The following PCDHA12 variants were observed in gnomAD, a reference collection of about 807,000 sequenced individuals.
PCDHA12 encodes the protein protocadherin alpha 12.
Under a neutral mutation model 60.0 loss-of-function variants are expected in PCDHA12, and 44 were observed. The ratio of observed to expected loss-of-function variants is 0.73; its 90% confidence interval spans 0.58 to 0.94. The LOEUF (loss-of-function observed/expected upper bound fraction) is 0.94. PCDHA12 is among the 40% of genes least tolerant of loss of function. The probability of loss-of-function intolerance (pLI) is 0.00; values close to 1 mark genes in which losing one functional copy is unlikely to be tolerated. For synonymous variants in PCDHA12, 569 were observed against 553.0 expected, an observed-to-expected ratio of 1.03 and a Z score of -0.40; for missense variants, 1,276 against 1,239.7, an observed-to-expected ratio of 1.03 and a Z score of -0.44.
chr5:140,997,785 A>G (rs537383326), intron 3 of PCDHA12, among the ~76,000 whole-genome samples: 2 of 152,218 alleles, frequency 1.3e-5, no homozygotes, highest in Admixed American at 1.3e-4. Flanking sequence ...GTATACCTAT[A>G]TTATAATTTA....
chr5:140,967,229 C>T, intron 1 of PCDHA12: 2 of 1,613,760 alleles, frequency 1.2e-6, no homozygotes, highest in East Asian at 2.2e-5. Flanking sequence ...CAACTACCAG[C>T]TTCAGGTAAG....
At chr5:140,930,842 T>C (rs183476886) in intron 1 of PCDHA12, among the ~76,000 whole-genome samples, 1 of 152,338 alleles carries the variant, frequency 6.6e-6, no homozygotes, top group Admixed American at 6.5e-5. Flanking sequence ...TGAATAAATA[T>C]GTGCATATAT....
At chr5:140,882,374 C>A in intron 1 of PCDHA12, 1 of 1,614,186 alleles carries the variant, frequency 6.2e-7, no homozygotes, top group East Asian at 2.2e-5. Flanking sequence ...CTACTCCGTC[C>A]CCGAGGAAGC....
intron 1 of PCDHA12, among the ~76,000 whole-genome samples, chr5:140,964,284 A>C (rs190870993): frequency 6.6e-6 from 1 of 152,362 alleles, no homozygotes; most frequent in East Asian, 1.9e-4. Context: ...AGTAAATTCT[A>C]GCTGGAGCTA....
At chr5:141,009,529 T>C in intron 3 of PCDHA12, 98 bp from the exon 4 acceptor site, 2 of 1,505,630 alleles carry the variant, frequency 1.3e-6, no homozygotes, top group Non-Finnish European at 1.8e-6. Context: ...TCTGGGGAGG[T>C]TCAGCCTGCC....
In PCDHA12 at chr5:140,876,444, T is replaced by A. The variant is rs1554168564; in HGVS notation, c.972T>A (p.Asp324Glu). ...NAYEIQVNAIDKGIPSMAGHS... is the reference protein window; with the variant it reads ...NAYEIQVNAIEKGIPSMAGHS... ...ATGAAATTCAGGTTAACGCCATTGA[T>A]AAAGGGATTCCTTCCATGGCAGGTC... Residue 324 changes from aspartate to glutamate, a missense_variant, in exon 1 of 4, where the codon GAT (aspartate) becomes GAA (glutamate). Coordinates refer to ENST00000398631, the MANE Select transcript of PCDHA12 (RefSeq NM_018903.4). 6.2e-7 allele frequency: 1 copy of A among 1,613,996 alleles called. No homozygotes were observed. The highest frequency in any genetic ancestry group is 8.5e-7 in the Non-Finnish European group (1 of 1,179,886).
Position 140,876,688 on chromosome 5 carries a change from T to A in PCDHA12, c.1216T>A (p.Ser406Thr), listed in dbSNP as rs1382110439. 2.5e-6 allele frequency: 4 copies of A among 1,614,172 alleles called. No homozygotes were observed. Among genetic ancestry groups the A allele is most frequent in the Non-Finnish European group, 3.4e-6 (4 of 1,180,038 alleles). ...GGTGTCCACCTACAAGAATTACTAC[T>A]CGTTGGTGCTGGACAGCGCCCTGGA... ...KLVSTYKNYY[S>T]LVLDSALDRE... The change falls in exon 1 of 4, where the codon TCG becomes ACG. Residue 406 changes from serine to threonine, a missense_variant. By Grantham distance (58) the Ser-to-Thr change is moderately conservative. Coordinates refer to ENST00000398631, the MANE Select transcript of PCDHA12 (RefSeq NM_018903.4).
chr5:140,894,987 T>A lies in PCDHA12; in HGVS notation c.2367+17148T>A, dbSNP rs564159529. On this transcript the variant is annotated intron_variant, in intron 1 of 3. Transcript: ENST00000398631. ...TTTTTTAATGTCTTACTTTGTGACA[T>A]CCTTTACCCTTTTTACTTGGACCTT... 3.3e-5 allele frequency among the ~76,000 whole-genome samples: 5 copies of A among 152,318 alleles called. No individual in the cohort carries two copies. In the East Asian group the frequency reaches 9.6e-4, roughly 29 times the overall value.
intron 1 of PCDHA12, among the ~76,000 whole-genome samples, chr5:140,932,168 A>G (rs1279324749): frequency 1.3e-5 from 2 of 151,944 alleles, no homozygotes; most frequent in African/African-American, 4.8e-5. Flanking sequence ...ACAATTAGAC[A>G]ATGTGTACCT....
chr5:140,891,234 G>A (rs1477518444), intron 1 of PCDHA12, among the ~76,000 whole-genome samples: 2 of 151,932 alleles, frequency 1.3e-5, no homozygotes, highest in Non-Finnish European at 2.9e-5. Context: ...ATCCTGTTCT[G>A]GATTCAGTAG....
intron 1 of PCDHA12, chr5:140,882,976 T>A: frequency 6.2e-7 from 1 of 1,614,220 alleles, no homozygotes; most frequent in South Asian, 1.1e-5. Context: ...TGGACGTGAA[T>A]GACAACGCCC....
chr5:140,968,363 G>A, intron 1 of PCDHA12: 1 of 1,614,090 alleles, frequency 6.2e-7, no homozygotes, highest in Non-Finnish European at 8.5e-7. Flanking sequence ...CAGCCTTTAT[G>A]CTGTCAACTC....
intron 1 of PCDHA12, among the ~76,000 whole-genome samples, chr5:140,886,851 AG>A (rs2061199020): frequency 6.6e-6 from 1 of 151,608 alleles, no homozygotes; most frequent in South Asian, 2.1e-4. Context: ...AAAAAAAGAA[AG>A]GTCTTCCCAA....
intron 1 of PCDHA12, among the ~76,000 whole-genome samples, chr5:140,914,941 T>C (rs1554196635): frequency 6.9e-6 from 1 of 145,614 alleles, no homozygotes; most frequent in Non-Finnish European, 1.5e-5. Flanking sequence ...TGTGAAAAGT[T>C]GTCTTTTTTT....
At chr5:140,890,776 A>G (rs1554184541) in intron 1 of PCDHA12, among the ~76,000 whole-genome samples, 1 of 152,316 alleles carries the variant, frequency 6.6e-6, no homozygotes, top group Non-Finnish European at 1.5e-5. Flanking sequence ...TTAAAACCCC[A>G]TAAGATATTA....
At chr5:140,993,883 A>G (rs1256857317) in intron 3 of PCDHA12, among the ~76,000 whole-genome samples, 1 of 152,228 alleles carries the variant, frequency 6.6e-6, no homozygotes, top group East Asian at 1.9e-4. Flanking sequence ...AGTACGCTCT[A>G]TGATGTCCAT....
chr5:140,985,845 C>T (rs1381097554), intron 3 of PCDHA12, among the ~76,000 whole-genome samples: 1 of 150,700 alleles, frequency 6.6e-6, no homozygotes, highest in African/African-American at 2.4e-5. Flanking sequence ...GTTCATGCCA[C>T]TCTCCTGCCT....
intron 1 of PCDHA12, among the ~76,000 whole-genome samples, chr5:140,918,605 G>T (rs2078775246): frequency 6.6e-6 from 1 of 152,198 alleles, no homozygotes; most frequent in Non-Finnish European, 1.5e-5. Flanking sequence ...ATGTTGCTAT[G>T]ATATGAATGT....
At chr5:140,981,725 A>T (rs1554243280) in intron 2 of PCDHA12, among the ~76,000 whole-genome samples, 1 of 151,396 alleles carries the variant, frequency 6.6e-6, no homozygotes, top group Non-Finnish European at 1.5e-5. Context: ...TCCAACAAAT[A>T]TTTGAGAGAT....
Sources: gnomAD v4.1 joint callset for allele counts (sites outside exome capture counted in the v4.1 genomes callset) on GRCh38, gnomAD v4.1.1 for gene constraint, MANE v1.5 for transcripts, NCBI Gene and HGNC (gene_info 2026-07-23, HGNC 2026-07-21) for gene names.